Variants in RANBP2 observed in about 807,000 individuals in gnomAD.
RANBP2 encodes E3 SUMO-protein ligase RanBP2.
A neutral mutation model predicts 303.6 loss-of-function variants in RANBP2; 57 were observed. That is an observed-to-expected ratio of 0.19 (90% CI 0.15 to 0.23). The LOEUF (loss-of-function observed/expected upper bound fraction) is 0.23. Among genes scored for constraint, RANBP2 ranks in the 10% least tolerant of loss-of-function variants. The pLI, the probability that RANBP2 is intolerant of heterozygous loss-of-function variation, is 1.00. For missense variants in RANBP2, 3,138 were observed against 3,780.8 expected (o/e 0.83, Z 4.46); for synonymous variants, 1,167 against 1,301.5 (o/e 0.90, Z 2.23).
chr2:109,473,655 G>A, the RANBP2 span, among the ~76,000 whole-genome samples: 1 of 152,248 alleles, frequency 6.6e-6, no homozygotes, highest in African/African-American at 2.4e-5. Context: ...GAGCATATGT[G>A]TCCTAGGTGG....
the RANBP2 span, among the ~76,000 whole-genome samples, chr2:109,113,685 G>C: frequency 6.6e-6 from 1 of 152,206 alleles, no homozygotes; most frequent in Non-Finnish European, 1.5e-5. Flanking sequence ...AATAGGAGCG[G>C]TGAGAGAGGG....
At chr2:109,008,590 TAAAAA>T in the RANBP2 span, among the ~76,000 whole-genome samples, 31,558 of 145,258 alleles carry the variant, frequency 0.22, 3,476 homozygotes, top group Middle Eastern at 0.34. Context: ...AAGAAAAGGG[TAAAAA>T]AAAAAAAAAA....
chr2:108,816,116 T>C, the RANBP2 span: 1 of 1,568,120 alleles, frequency 6.4e-7, no homozygotes, highest in Non-Finnish European at 8.7e-7. Flanking sequence ...GTTTGTTTTT[T>C]AATTTGAAAT....
the RANBP2 span, among the ~76,000 whole-genome samples, chr2:108,799,959 A>G: frequency 6.6e-6 from 1 of 152,012 alleles, no homozygotes; most frequent in East Asian, 1.9e-4. Context: ...TTGTTTAAAA[A>G]ATTTATTTTT....
chr2:109,194,632 C>T, the RANBP2 span, among the ~76,000 whole-genome samples: 1 of 152,222 alleles, frequency 6.6e-6, no homozygotes, highest in African/African-American at 2.4e-5. Context: ...TTTGTATCTT[C>T]TGCATATACA....
chr2:109,031,305 G>A, the RANBP2 span, among the ~76,000 whole-genome samples: 2 of 152,184 alleles, frequency 1.3e-5, no homozygotes, highest in African/African-American at 4.8e-5. Flanking sequence ...GCACAGATGG[G>A]GGCTCTGATG....
At chr2:109,104,084 A>G in the RANBP2 span, among the ~76,000 whole-genome samples, 1 of 152,218 alleles carries the variant, frequency 6.6e-6, no homozygotes, top group Non-Finnish European at 1.5e-5. Context: ...ATGAGCCACC[A>G]TTTCGGCGAA....
At chr2:109,190,361 A>G in the RANBP2 span, among the ~76,000 whole-genome samples, 1 of 152,186 alleles carries the variant, frequency 6.6e-6, no homozygotes, top group African/African-American at 2.4e-5. Flanking sequence ...TGTAGTAGAG[A>G]TGGGGTTTCG....
At chr2:108,747,680 T>C (rs1696620496) in intron 8 of RANBP2, among the ~76,000 whole-genome samples, 1 of 152,216 alleles carries the variant, frequency 6.6e-6, no homozygotes. Context: ...TTAATGTCTT[T>C]GATCTGGGCA....
chr2:108,929,262 G>T, the RANBP2 span: 9 of 1,614,170 alleles, frequency 5.6e-6, no homozygotes, highest in Non-Finnish European at 4.2e-6. Context: ...ACGGTGGCCC[G>T]GAAGAAGCCC....
chr2:108,903,940 T>G, the RANBP2 span, among the ~76,000 whole-genome samples: 12 of 152,148 alleles, frequency 7.9e-5, no homozygotes, highest in African/African-American at 2.9e-4. Flanking sequence ...AAGAAAACTT[T>G]ATAATTAGTT....
At chr2:109,585,817 A>G in the RANBP2 span, 1 of 1,613,996 alleles carries the variant, frequency 6.2e-7, no homozygotes, top group Non-Finnish European at 8.5e-7. Context: ...GACATAGTCA[A>G]CGAACGAATG....
At chr2:109,725,516 G>T in the RANBP2 span, among the ~76,000 whole-genome samples, 8 of 152,264 alleles carry the variant, frequency 5.3e-5, no homozygotes, top group African/African-American at 1.9e-4. Flanking sequence ...GGCATTTCTT[G>T]CTGCTCTCAT....
At chr2:108,974,174 C>CA in the RANBP2 span, among the ~76,000 whole-genome samples, 1 of 149,874 alleles carries the variant, frequency 6.7e-6, no homozygotes, top group East Asian at 2.0e-4. Context: ...CTAAAAAATA[C>CA]AAAAAATTAG....
At chr2:108,791,764 C>A in the RANBP2 span, 2 of 1,597,758 alleles carry the variant, frequency 1.3e-6, no homozygotes, top group South Asian at 2.3e-5. Flanking sequence ...GTTAGTACCT[C>A]GAAAATAACC....
the RANBP2 span, among the ~76,000 whole-genome samples, chr2:109,086,479 G>T: frequency 9.2e-5 from 14 of 152,318 alleles, no homozygotes; most frequent in South Asian, 1.0e-3. Flanking sequence ...TAAGGCTCAG[G>T]TTGGAAACTT....
At chr2:108,888,205 G>C in the RANBP2 span, among the ~76,000 whole-genome samples, 1 of 152,046 alleles carries the variant, frequency 6.6e-6, no homozygotes, top group East Asian at 1.9e-4. Context: ...TGCATCCCTG[G>C]CATAAATCCC....
chr2:108,791,617 C>T, the RANBP2 span: 1 of 1,561,720 alleles, frequency 6.4e-7, no homozygotes, highest in Non-Finnish European at 8.8e-7. Context: ...GCAGTTTTAT[C>T]TTTTTAAAGT....
chr2:108,774,963 A>T (rs1233836593), intron 23 of RANBP2, among the ~76,000 whole-genome samples: 1 of 152,122 alleles, frequency 6.6e-6, no homozygotes, highest in Non-Finnish European at 1.5e-5. Flanking sequence ...AAGTGCTGGG[A>T]TTGCAGGCAT....
Sources: gnomAD v4.1 joint callset for allele counts (sites outside exome capture counted in the v4.1 genomes callset) on GRCh38, gnomAD v4.1.1 for gene constraint, MANE v1.5 for transcripts, NCBI Gene and HGNC (gene_info 2026-07-23, HGNC 2026-07-21) for gene names.